The following HECA variants were observed in gnomAD, a reference collection of about 807,000 sequenced individuals.
HECA encodes the protein headcase protein homolog.
A neutral mutation model predicts 37.6 loss-of-function variants in HECA; 13 were observed. The observed-to-expected ratio is 0.35, with a 90% CI of 0.23 to 0.55. The LOEUF (loss-of-function observed/expected upper bound fraction) is 0.55. Among genes scored for constraint, HECA ranks in the 20% least tolerant of loss-of-function variants. The probability of loss-of-function intolerance (pLI) is 0.90; values close to 1 mark genes in which losing one functional copy is unlikely to be tolerated. For missense variants in HECA, 527 were observed against 701.9 expected, an observed-to-expected ratio of 0.75 and a Z score of 2.82; for synonymous variants, 307 against 291.5, an observed-to-expected ratio of 1.05 and a Z score of -0.54.
chr6:139,160,701 A>G (rs1774786882), intron 1 of HECA, among the ~76,000 whole-genome samples: 1 of 152,236 alleles, frequency 6.6e-6, no homozygotes, highest in Non-Finnish European at 1.5e-5. Context: ...GGCGTGAGCC[A>G]CTGTGCCTGG....
At chr6:139,171,836 G>GTT (rs899592230) in intron 2 of HECA, among the ~76,000 whole-genome samples, 1 of 141,604 alleles carries the variant, frequency 7.1e-6, no homozygotes. Flanking sequence ...TTGTTGTTGT[G>GTT]TTTTTTTTTT....
chr6:139,143,521 T>TAAGCAAACAAA (rs1452009470), intron 1 of HECA, among the ~76,000 whole-genome samples: 3 of 152,136 alleles, frequency 2.0e-5, no homozygotes, highest in African/African-American at 7.2e-5. Flanking sequence ...TAGCTAAAAA[T>TAAGCAAACAAA]AAGCAAACAA....
chr6:139,159,952 T>A (rs1385346434), intron 1 of HECA, among the ~76,000 whole-genome samples: 1 of 152,216 alleles, frequency 6.6e-6, no homozygotes, highest in Non-Finnish European at 1.5e-5. Context: ...CCTCAGTGAA[T>A]GAGGTTGTCA....
intron 2 of HECA, 50 bp downstream of exon 2, chr6:139,167,374 C>T: frequency 7.1e-7 from 1 of 1,402,118 alleles, no homozygotes; most frequent in Non-Finnish European, 9.8e-7. Flanking sequence ...AAAAACCAAA[C>T]AACAAACAAG....
Position 139,135,793 on chromosome 6 carries a change from T to C in HECA, c.271+126T>C. ...AGTCAGGAAGTGCTCACCCCGCCCC[T>C]CCGCCCCGCCGCGGCTGCCCCTTCG... On this transcript the variant is annotated intron_variant, in intron 1 of 3. Coordinates refer to ENST00000367658, the MANE Select transcript of HECA (RefSeq NM_016217.3). 2 of 287,480 alleles carry C rather than the reference T, an allele frequency of 7.0e-6. 1 individual carries two copies. Among genetic ancestry groups the C allele is most frequent in the Non-Finnish European group, 1.0e-5 (2 of 192,232 alleles). 17.8% of individuals were successfully genotyped at this position (287,480 alleles called of 1,614,324 possible). A position where few individuals can be genotyped will look rare whatever the true frequency, so the allele number is the denominator to read the frequency against.
At chr6:139,141,310 T>A (rs754370295) in intron 1 of HECA, among the ~76,000 whole-genome samples, 2 of 152,160 alleles carry the variant, frequency 1.3e-5, no homozygotes, top group Non-Finnish European at 2.9e-5. Flanking sequence ...ACATATATAG[T>A]TTCTGCAAAA....
At position 139,176,973 on chromosome 6, in the gene HECA, G is replaced by A. The variant is rs550184164; in HGVS notation, c.1500G>A (p.Pro500=). ...ARLNCKHCGK[P]VIDVRIGMQY... ...TGAACTGTAAGCACTGTGGGAAGCC[G>A]GTGATCGACGTGAGGATCGGGATGC... The change falls in exon 4 of 4, where the codon CCG becomes CCA. Residue 500 remains proline (P), a synonymous_variant. Transcript: ENST00000367658. The surrounding 1 kb of genome is among the most constrained non-coding windows in gnomAD (Gnocchi z 4.5). 7 of 872,606 alleles carry A rather than the reference G, an allele frequency of 8.0e-6. No individual in the cohort carries two copies. Among genetic ancestry groups the A allele is most frequent in the East Asian group, 2.4e-5 (1 of 41,708 alleles). 54.1% of individuals were successfully genotyped at this position (872,606 alleles called of 1,614,324 possible).
At chr6:139,151,799 TATTC>T in intron 1 of HECA, among the ~76,000 whole-genome samples, 1 of 152,220 alleles carries the variant, frequency 6.6e-6, no homozygotes, top group African/African-American at 2.4e-5. Flanking sequence ...AATAAGACAC[TATTC>T]TCAATTGTAG....
chr6:139,176,810 C>T lies in HECA; in HGVS notation c.1468-131C>T. 3.1e-6 allele frequency: 2 copies of T among 639,608 alleles called. No individual in the cohort carries two copies. Among genetic ancestry groups the T allele is most frequent in the Non-Finnish European group, 5.6e-6 (2 of 357,750 alleles). 39.6% of individuals were successfully genotyped at this position (639,608 alleles called of 1,614,324 possible). A position where few individuals can be genotyped will look rare whatever the true frequency, so the allele number is the denominator to read the frequency against. On this transcript the variant is annotated intron_variant, in intron 3 of 3. Coordinates refer to ENST00000367658, the MANE Select transcript of HECA (RefSeq NM_016217.3). This position sits in a 1 kb window ranked among gnomAD's most constrained non-coding sequence, Gnocchi z 4.5. The stretch of plus-strand genomic sequence containing the variant: ...GGAGTCTTTCAGGTATACCCCGTTT[C>T]CATGTTTTTGGTAGTAAAAGGGATG...
At chr6:139,167,706 A>C (rs1774911753) in intron 2 of HECA, among the ~76,000 whole-genome samples, 1 of 152,184 alleles carries the variant, frequency 6.6e-6, no homozygotes, top group Non-Finnish European at 1.5e-5. Flanking sequence ...CAGTGAGGAA[A>C]AGCAGTGGTC....
chr6:139,156,720 G>A (rs1035736850), intron 1 of HECA, among the ~76,000 whole-genome samples: 8 of 152,218 alleles, frequency 5.3e-5, no homozygotes, highest in African/African-American at 1.2e-4. Flanking sequence ...ATGACGGCAC[G>A]TGTCTGTGTT....
chr6:139,173,529 G>A (rs1310984947), intron 2 of HECA, among the ~76,000 whole-genome samples: 4 of 152,176 alleles, frequency 2.6e-5, no homozygotes, highest in Non-Finnish European at 5.9e-5. Flanking sequence ...AGCACATTCT[G>A]AATATGAGGC....
chr6:139,137,445 G>A (rs575795962), intron 1 of HECA, among the ~76,000 whole-genome samples: 69 of 152,118 alleles, frequency 4.5e-4, no homozygotes, highest in Non-Finnish European at 7.9e-4. Flanking sequence ...CTCACAAAGA[G>A]TGCATGAACA....
chr6:139,161,199 A>G lies in HECA; in HGVS notation c.272-5085A>G, dbSNP rs534250988. On this transcript the variant is annotated intron_variant, in intron 1 of 3. Coordinates refer to ENST00000367658, the MANE Select transcript of HECA (RefSeq NM_016217.3). Reference sequence around the variant, plus strand: ...GACTATTCCCGAGGTCCACCCTGTTACCCCATTTTGCCTGTCTCCCTGGGA... The same window carrying G: ...GACTATTCCCGAGGTCCACCCTGTTGCCCCATTTTGCCTGTCTCCCTGGGA... Among the ~76,000 whole-genome samples, 4 of 152,098 alleles carry G rather than the reference A, an allele frequency of 2.6e-5. No individual in the cohort carries two copies. The South Asian group carries it at 8.3e-4, about 32-fold the overall frequency.
chr6:139,161,399 G>C (rs1311469137), intron 1 of HECA, among the ~76,000 whole-genome samples: 1 of 152,130 alleles, frequency 6.6e-6, no homozygotes, highest in Non-Finnish European at 1.5e-5. Context: ...CTTCATACAA[G>C]GAAGAGGTTT....
rs560747886 is a variant in HECA at position 139,154,926 on chromosome 6, G to A, written c.272-11358G>A. Reference sequence around the variant, plus strand: ...TAAGCAAGGATAATATTGGAATACAGTACTAAAGACTGACATGAAGTCTTT... The same window carrying A: ...TAAGCAAGGATAATATTGGAATACAATACTAAAGACTGACATGAAGTCTTT... On this transcript the variant is annotated intron_variant, in intron 1 of 3. Transcript: ENST00000367658. Among the ~76,000 whole-genome samples, 6 of 125,970 alleles carry A rather than the reference G, an allele frequency of 4.8e-5. No homozygotes were observed. The East Asian group carries it at 1.4e-3, about 29-fold the overall frequency. The allele number at this position is 125,970 out of a possible 152,430, so 82.6% of individuals were successfully genotyped here. A position where few individuals can be genotyped will look rare whatever the true frequency, so the allele number is the denominator to read the frequency against.
At chr6:139,155,689 A>G (rs1458517741) in intron 1 of HECA, 2 of 152,182 alleles carry the variant, frequency 1.3e-5, no homozygotes, top group Admixed American at 6.5e-5. Flanking sequence ...TTCAGAGCAT[A>G]TTATGTAGTG....
chr6:139,164,048 T>A (rs984224933), intron 1 of HECA, among the ~76,000 whole-genome samples: 3 of 142,642 alleles, frequency 2.1e-5, no homozygotes, highest in Non-Finnish European at 4.6e-5. Flanking sequence ...GCATGGACTC[T>A]CACACACACA....
chr6:139,166,265 CTCTT>C lies in HECA; in HGVS notation c.272-17_272-14del, dbSNP rs778892005. 8 of 1,566,610 alleles carry C rather than the reference CTCTT, an allele frequency of 5.1e-6. No homozygotes were observed. In the African/African-American group the frequency reaches 6.8e-5, roughly 13 times the overall value. Reference sequence around the variant, plus strand: ...AATCCAAAAATCTGAAATCTGTTCTCTCTTTATTCCTCCCCCAGAAGCCCCATGT... The same window carrying C: ...AATCCAAAAATCTGAAATCTGTTCTCTATTCCTCCCCCAGAAGCCCCATGT... On this transcript the variant is annotated splice_polypyrimidine_tract_variant and intron_variant, in intron 1 of 3. Transcript: ENST00000367658.
Sources: gnomAD v4.1 joint callset for allele counts (sites outside exome capture counted in the v4.1 genomes callset) on GRCh38, gnomAD v4.1.1 for gene constraint, Gnocchi (gnomAD v3.1) non-coding constraint, MANE v1.5 for transcripts, NCBI Gene and HGNC (gene_info 2026-07-23, HGNC 2026-07-21) for gene names.